The following DAB1 variants were observed in gnomAD, a reference collection of about 807,000 sequenced individuals.
DAB1 encodes disabled homolog 1.
A neutral mutation model predicts 64.6 loss-of-function variants in DAB1; 15 were observed. The observed-to-expected ratio is 0.23, with a 90% CI of 0.16 to 0.36. The LOEUF (loss-of-function observed/expected upper bound fraction) is 0.36. Among genes scored for constraint, DAB1 ranks in the 10% least tolerant of loss-of-function variants. DAB1 has a pLI of 1.00. For missense variants in DAB1, 596 were observed against 706.7 expected (o/e 0.84, Z 1.78); for synonymous variants, 235 against 251.9 (o/e 0.93, Z 0.64).
At chr1:57,581,932 T>G (rs1362253379) in intron 7 of DAB1, among the ~76,000 whole-genome samples, 1 of 152,158 alleles carries the variant, frequency 6.6e-6, no homozygotes, top group Admixed American at 6.5e-5. Flanking sequence ...TTTCTCATAG[T>G]TTTTGAGGCT....
intron 3 of DAB1, among the ~76,000 whole-genome samples, chr1:58,495,906 G>A (rs1372087441): frequency 6.6e-6 from 1 of 152,028 alleles, no homozygotes; most frequent in African/African-American, 2.4e-5. Flanking sequence ...TTTTTACCTA[G>A]GTAGCTTGTA....
At chr1:58,503,678 T>C (rs544908962) in intron 3 of DAB1, among the ~76,000 whole-genome samples, 9 of 152,024 alleles carry the variant, frequency 5.9e-5, no homozygotes, top group Non-Finnish European at 1.2e-4. Flanking sequence ...CATGTGAGGT[T>C]ACAAGGAGAA....
At chr1:58,312,292 C>A (rs1261342649) in intron 4 of DAB1, among the ~76,000 whole-genome samples, 1 of 152,182 alleles carries the variant, frequency 6.6e-6, no homozygotes, top group Non-Finnish European at 1.5e-5. Context: ...AGTTTTTCTT[C>A]ATACATTCTA....
chr1:57,961,831 C>T (rs761049138), intron 5 of DAB1, among the ~76,000 whole-genome samples: 7 of 151,780 alleles, frequency 4.6e-5, no homozygotes, highest in East Asian at 1.9e-4. Context: ...AAAAATTAGC[C>T]GGGCATGGTG....
intron 1 of DAB1, among the ~76,000 whole-genome samples, chr1:57,417,494 AC>A (rs1350046537): frequency 1.6e-4 from 24 of 152,290 alleles, no homozygotes; most frequent in African/African-American, 5.8e-4. Context: ...ATTTCATAAG[AC>A]ACTGAGAGAT....
chr1:57,450,237 C>T (rs751463517), intron 7 of DAB1, among the ~76,000 whole-genome samples: 1 of 152,158 alleles, frequency 6.6e-6, no homozygotes, highest in Non-Finnish European at 1.5e-5. Flanking sequence ...ACGACTGACA[C>T]TTGATATTAT....
At chr1:57,511,875 T>C (rs1308171534) in intron 7 of DAB1, among the ~76,000 whole-genome samples, 1 of 152,216 alleles carries the variant, frequency 6.6e-6, no homozygotes, top group Non-Finnish European at 1.5e-5. Context: ...CGTGAGTTGC[T>C]ATACCCCAGA....
At chr1:57,003,759 GTT>G (rs1645959262) in intron 14 of DAB1, among the ~76,000 whole-genome samples, 4 of 152,060 alleles carry the variant, frequency 2.6e-5, no homozygotes, top group Admixed American at 2.6e-4. Context: ...ACCTAGTCTT[GTT>G]TTTAAATCAA....
chr1:57,509,373 T>A (rs753228194), intron 7 of DAB1, among the ~76,000 whole-genome samples: 16 of 152,128 alleles, frequency 1.1e-4, no homozygotes, highest in Non-Finnish European at 1.6e-4. Context: ...CTCAGTGAAG[T>A]TCGGAGGTAA....
intron 1 of DAB1, among the ~76,000 whole-genome samples, chr1:57,311,367 G>A (rs561733596): frequency 6.6e-6 from 1 of 152,158 alleles, no homozygotes; most frequent in East Asian, 1.9e-4. Flanking sequence ...GATTCCTGAA[G>A]CCTGAGCACA....
intron 1 of DAB1, among the ~76,000 whole-genome samples, chr1:57,883,105 A>G (rs1644170226): frequency 6.6e-6 from 1 of 152,194 alleles, no homozygotes; most frequent in Non-Finnish European, 1.5e-5. Flanking sequence ...TCCCTCACAG[A>G]ATCTCAGAGT....
chr1:58,005,656 A>C (rs548522221), intron 5 of DAB1, among the ~76,000 whole-genome samples: 2 of 152,002 alleles, frequency 1.3e-5, no homozygotes, highest in South Asian at 4.2e-4. Flanking sequence ...AGACTAGATA[A>C]GAATACTGAA....
chr1:57,398,746 T>C (rs957045418), intron 1 of DAB1, among the ~76,000 whole-genome samples: 3 of 152,238 alleles, frequency 2.0e-5, no homozygotes, highest in African/African-American at 7.2e-5. Context: ...CTTAACAACA[T>C]ACACGGTTGC....
chr1:58,179,805 T>C (rs942312854), intron 4 of DAB1, among the ~76,000 whole-genome samples: 1 of 152,072 alleles, frequency 6.6e-6, no homozygotes, highest in Non-Finnish European at 1.5e-5. Context: ...TCTCTACTTT[T>C]TTGTTTTTCT....
At chr1:58,156,068 C>A (rs1389153739) in intron 4 of DAB1, among the ~76,000 whole-genome samples, 1 of 152,180 alleles carries the variant, frequency 6.6e-6, no homozygotes, top group East Asian at 1.9e-4. Context: ...ATTTTTTACA[C>A]AAATGAGATC....
At chr1:57,630,648 A>G (rs1200168740) in intron 7 of DAB1, among the ~76,000 whole-genome samples, 1 of 152,174 alleles carries the variant, frequency 6.6e-6, no homozygotes, top group African/African-American at 2.4e-5. Context: ...GCACCATTTA[A>G]TAAAAGGAAG....
chr1:57,750,390 C>T (rs542323577), intron 6 of DAB1, among the ~76,000 whole-genome samples: 2 of 152,286 alleles, frequency 1.3e-5, no homozygotes, highest in East Asian at 3.9e-4. Context: ...TGATTTCTAA[C>T]ACTGCCTTTG....
At chr1:58,465,423 C>A (rs1388825228) in intron 3 of DAB1, among the ~76,000 whole-genome samples, 2 of 152,302 alleles carry the variant, frequency 1.3e-5, no homozygotes, top group South Asian at 2.1e-4. Context: ...CGCAGGAATT[C>A]TCAGTTTATT....
At chr1:57,227,099 C>T (rs559508219) in intron 2 of DAB1, among the ~76,000 whole-genome samples, 2 of 152,162 alleles carry the variant, frequency 1.3e-5, no homozygotes, top group South Asian at 4.2e-4. Context: ...CACTTGAGCC[C>T]AGGAGGTCAA....
Sources: gnomAD v4.1 joint callset for allele counts (sites outside exome capture counted in the v4.1 genomes callset) on GRCh38, gnomAD v4.1.1 for gene constraint, MANE v1.5 for transcripts, NCBI Gene and HGNC (gene_info 2026-07-23, HGNC 2026-07-21) for gene names.